The following CAPZB variants were observed in gnomAD, a reference collection of about 807,000 sequenced individuals.
CAPZB encodes the protein capping actin protein of muscle Z-line subunit beta, also known as F-actin-capping protein subunit beta.
A neutral mutation model predicts 38.1 loss-of-function variants in CAPZB; 2 were observed. The ratio of observed to expected loss-of-function variants is 0.05; its 90% confidence interval spans 0.02 to 0.17. The LOEUF is 0.17. Ranked by LOEUF, CAPZB falls within the 10% of genes least tolerant of loss-of-function variation. CAPZB has a pLI of 1.00. For synonymous variants in CAPZB, 107 were observed against 127.4 expected, an observed-to-expected ratio of 0.84 and a Z score of 1.08; for missense variants, 161 against 334.2, an observed-to-expected ratio of 0.48 and a Z score of 4.04.
chr1:19,427,481 G>A (rs2094427168), intron 1 of CAPZB, among the ~76,000 whole-genome samples: 1 of 152,152 alleles, frequency 6.6e-6, no homozygotes, highest in Non-Finnish European at 1.5e-5. Flanking sequence ...TGTATAATCC[G>A]TGACCCAATA....
In CAPZB at chr1:19,357,394, C is replaced by G; in HGVS notation, c.471+28G>C. Reference sequence around the variant, plus strand: ...GGTGTGCCATCTGTACTTAGTGGCCCGGGCCACCAGCTGCTGGGAGGCAGT... The same window carrying G: ...GGTGTGCCATCTGTACTTAGTGGCCGGGGCCACCAGCTGCTGGGAGGCAGT... On this transcript the variant is annotated intron_variant, in intron 5 of 8. Transcript: ENST00000264202. This position sits in a 1 kb window ranked among gnomAD's most constrained non-coding sequence, Gnocchi z 4.3. The G allele has an allele frequency of 1.9e-6, 3 of 1,611,394 alleles. No individual in the cohort carries two copies. The highest frequency in any genetic ancestry group is 1.7e-6 in the Non-Finnish European group (2 of 1,178,708).
Position 19,386,855 on chromosome 1 carries a change from G to C in CAPZB, c.94-1229C>G, listed in dbSNP as rs533999426. Among the ~76,000 whole-genome samples the C allele has an allele frequency of 2.0e-5, 3 of 152,342 alleles. No individual in the cohort carries two copies. In the East Asian group the frequency reaches 5.8e-4, roughly 29 times the overall value. ...TCTTATACAGGGGACAGTACCCAAA[G>C]AGATAGACATACACCACCAACCCCT... On this transcript the variant is annotated intron_variant, in intron 2 of 8. Transcript: ENST00000264202.
intron 6 of CAPZB, among the ~76,000 whole-genome samples, chr1:19,355,760 G>T (rs1022451042): frequency 6.6e-6 from 1 of 152,216 alleles, no homozygotes; most frequent in African/African-American, 2.4e-5. Flanking sequence ...AAACCCAGTT[G>T]TGCTTGGTCT....
intron 2 of CAPZB, among the ~76,000 whole-genome samples, chr1:19,388,643 G>A (rs945064944): frequency 6.6e-6 from 1 of 152,146 alleles, no homozygotes; most frequent in Admixed American, 6.5e-5. Flanking sequence ...TGAAAGCCCT[G>A]GCATTTTTTA....
intron 1 of CAPZB, among the ~76,000 whole-genome samples, chr1:19,432,524 A>G (rs2094445920): frequency 6.6e-6 from 1 of 152,268 alleles, no homozygotes; most frequent in African/African-American, 2.4e-5. Flanking sequence ...CTTTATTAAG[A>G]ATACTAGGTA....
chr1:19,376,888 T>C (rs951878192), intron 4 of CAPZB, among the ~76,000 whole-genome samples: 1 of 152,208 alleles, frequency 6.6e-6, no homozygotes, highest in African/African-American at 2.4e-5. Context: ...TTCCACCACT[T>C]ACTAGCTCTG....
At chr1:19,462,219 G>A (rs867258496) in intron 1 of CAPZB, among the ~76,000 whole-genome samples, 3 of 151,882 alleles carry the variant, frequency 2.0e-5, no homozygotes, top group Admixed American at 6.6e-5. Context: ...TTGGGAGGCC[G>A]AGGCAGGTGG....
At chr1:19,411,180 T>C (rs929595132) in intron 2 of CAPZB, among the ~76,000 whole-genome samples, 5 of 152,154 alleles carry the variant, frequency 3.3e-5, no homozygotes, top group African/African-American at 1.2e-4. Context: ...CTGGGCAACA[T>C]GGTGAGACCC....
At chr1:19,368,516 G>T (rs2094102969) in intron 4 of CAPZB, among the ~76,000 whole-genome samples, 3 of 146,542 alleles carry the variant, frequency 2.0e-5, no homozygotes, top group South Asian at 2.2e-4. Context: ...AAAAAAAAAC[G>T]GTGGAGAGAG....
intron 2 of CAPZB, among the ~76,000 whole-genome samples, chr1:19,398,284 C>T (rs556602623): frequency 3.9e-5 from 6 of 152,304 alleles, no homozygotes; most frequent in South Asian, 2.1e-4. Context: ...CTGTACTCCT[C>T]GCCCCAGGGG....
At chr1:19,438,159 G>A (rs780432854) in intron 1 of CAPZB, among the ~76,000 whole-genome samples, 7 of 152,146 alleles carry the variant, frequency 4.6e-5, no homozygotes, top group South Asian at 2.1e-4. Flanking sequence ...GAATGCTTAC[G>A]GAAACACTTG....
intron 1 of CAPZB, among the ~76,000 whole-genome samples, chr1:19,436,324 G>T (rs1026904327): frequency 6.6e-6 from 1 of 152,114 alleles, no homozygotes; most frequent in Admixed American, 6.6e-5. Flanking sequence ...GAGCCAGCTC[G>T]GTTCTCAGAT....
chr1:19,357,361 C>A lies in CAPZB; in HGVS notation c.471+61G>T. The stretch of plus-strand genomic sequence containing the variant: ...CTGCATCTGTTAGAGAGCAGCGCGG[C>A]ACTGGTTGGTGTGCCATCTGTACTT... On this transcript the variant is annotated intron_variant, in intron 5 of 8. Coordinates refer to ENST00000264202, the MANE Select transcript of CAPZB (RefSeq NM_004930.5). This position sits in a 1 kb window ranked among gnomAD's most constrained non-coding sequence, Gnocchi z 4.3. 1 of 1,518,040 alleles carries A rather than the reference C, an allele frequency of 6.6e-7. No individual in the cohort carries two copies. Among genetic ancestry groups the A allele is most frequent in the Non-Finnish European group, 9.1e-7 (1 of 1,096,270 alleles). The allele number at this position is 1,518,040 out of a possible 1,614,324, so 94.0% of individuals were successfully genotyped here.
At chr1:19,383,806 G>A (rs953124627) in intron 3 of CAPZB, among the ~76,000 whole-genome samples, 6 of 151,870 alleles carry the variant, frequency 4.0e-5, no homozygotes, top group African/African-American at 9.7e-5. Flanking sequence ...GCTCCTCCCC[G>A]AGTCCTCCTC....
intron 1 of CAPZB, among the ~76,000 whole-genome samples, chr1:19,451,943 TTTATTATTGTAA>T (rs1189805027): frequency 6.6e-6 from 1 of 152,114 alleles, no homozygotes; most frequent in African/African-American, 2.4e-5. Context: ...TAATTTACTG[TTTATTATTGTAA>T]TTATTATTTT....
intron 1 of CAPZB, among the ~76,000 whole-genome samples, chr1:19,449,514 G>A (rs1034318825): frequency 2.0e-5 from 3 of 152,144 alleles, no homozygotes; most frequent in Non-Finnish European, 4.4e-5. Context: ...CTGGCTGGGG[G>A]CTGTGGCCCA....
chr1:19,372,036 T>C (rs2094122094), intron 4 of CAPZB, among the ~76,000 whole-genome samples: 1 of 152,222 alleles, frequency 6.6e-6, no homozygotes, highest in Admixed American at 6.5e-5. Flanking sequence ...CCTTGGGCCC[T>C]GGGACTGCCA....
chr1:19,457,117 G>A (rs535944481), intron 1 of CAPZB, among the ~76,000 whole-genome samples: 2 of 152,322 alleles, frequency 1.3e-5, no homozygotes, highest in South Asian at 4.1e-4. Flanking sequence ...AAGCACAGCG[G>A]GAAAAGCGAG....
chr1:19,342,921 G>A lies in CAPZB; in HGVS notation c.731+1437C>T, dbSNP rs145116607. On this transcript the variant is annotated intron_variant, in intron 8 of 8. Coordinates refer to ENST00000264202, the MANE Select transcript of CAPZB (RefSeq NM_004930.5). ...GAGGGAAGAGAACGACGAGAAGCCA[G>A]GAACGCAGGGGGCCACAGCTGAGGA... 616 of 1,028,032 alleles carry A rather than the reference G, an allele frequency of 6.0e-4. 5 individuals are homozygous for A. In the African/African-American group the frequency reaches 8.3e-3, roughly 14 times the overall value. 63.7% of individuals were successfully genotyped at this position (1,028,032 alleles called of 1,614,324 possible). A position where few individuals can be genotyped will look rare whatever the true frequency, so the allele number is the denominator to read the frequency against.
Sources: gnomAD v4.1 joint callset for allele counts (sites outside exome capture counted in the v4.1 genomes callset) on GRCh38, gnomAD v4.1.1 for gene constraint, Gnocchi (gnomAD v3.1) non-coding constraint, MANE v1.5 for transcripts, NCBI Gene and HGNC (gene_info 2026-07-23, HGNC 2026-07-21) for gene names.